Variants in NAV2 observed in about 807,000 individuals in gnomAD.
NAV2 encodes the protein neuron navigator 2.
NAV2 carries 54 observed loss-of-function variants against 223.2 expected under a neutral mutation model. The observed-to-expected ratio is 0.24, with a 90% confidence interval of 0.19 to 0.30. The LOEUF (loss-of-function observed/expected upper bound fraction) is 0.30. Among genes scored for constraint, NAV2 ranks in the 10% least tolerant of loss-of-function variants. The probability of loss-of-function intolerance (pLI) is 1.00; values close to 1 mark genes in which losing one functional copy is unlikely to be tolerated. For missense variants in NAV2, 2,806 were observed against 3,147.5 expected (o/e 0.89, Z 2.60); for synonymous variants, 1,279 against 1,239.3 (o/e 1.03, Z -0.67).
chr11:19,948,743 A>T lies in NAV2; in HGVS notation c.2308A>T (p.Ser770Cys). ...TNVTTEMSGR[S>C]ILSLTGRPTP... Reference sequence around the variant, plus strand: ...TGTCACCACGGAGATGAGTGGCCGTAGCATACTCAGCTTGACAGGGAGGCC... The same window carrying T: ...TGTCACCACGGAGATGAGTGGCCGTTGCATACTCAGCTTGACAGGGAGGCC... Residue 770 changes from serine to cysteine, a missense_variant, in exon 10 of 38, where the codon AGC (serine) becomes TGC (cysteine). Ser to Cys is a moderately radical substitution (Grantham distance 112). This residue lies in a region of NAV2 where 1,167 missense variants were observed against 1,180.5 expected (regional missense o/e 0.99). Coordinates refer to ENST00000349880, the MANE Select transcript of NAV2 (RefSeq NM_145117.5). The T allele has an allele frequency of 6.2e-7, 1 of 1,607,730 alleles. No homozygotes were observed. Among genetic ancestry groups the T allele is most frequent in the Non-Finnish European group, 8.5e-7 (1 of 1,175,144 alleles).
Position 19,702,703 on chromosome 11 carries a change from G to A in NAV2, c.76-129781G>A, listed in dbSNP as rs151327918. On this transcript the variant is annotated intron_variant, in intron 1 of 37. Transcript: ENST00000360655. ...TGAGGCAGGAGAATTGCTTGAGTCC[G>A]GAAGGAGGAGTTTGCAGTGAGCTGA... Among the ~76,000 whole-genome samples, 179 of 151,872 alleles carry A rather than the reference G, an allele frequency of 1.2e-3. 1 individual carries two copies. The highest frequency in any genetic ancestry group is 6.0e-3 in the South Asian group (29 of 4,804).
In NAV2 at chr11:19,686,268, T is replaced by C. The variant is rs150868726; in HGVS notation, c.76-146216T>C. 4.8e-3 allele frequency among the ~76,000 whole-genome samples: 727 copies of C among 152,280 alleles called. 6 individuals carry two copies. The highest frequency in any genetic ancestry group is 0.017 in the African/African-American group (695 of 41,548). Reference sequence around the variant, plus strand: ...TGTGATATGTTCCCTTGCTTTTCCTTTGAGTAACCTGTCTCTCAGAATCAA... The same window carrying C: ...TGTGATATGTTCCCTTGCTTTTCCTCTGAGTAACCTGTCTCTCAGAATCAA... On this transcript the variant is annotated intron_variant, in intron 1 of 37. Transcript: ENST00000360655.
chr11:19,641,288 A>C (rs1239740012), intron 1 of NAV2, among the ~76,000 whole-genome samples: 1 of 152,130 alleles, frequency 6.6e-6, no homozygotes, highest in Non-Finnish European at 1.5e-5. Flanking sequence ...CTTACCCTCT[A>C]TATTCAATCT....
At chr11:19,456,782 C>T (rs1364037682) in intron 1 of NAV2, among the ~76,000 whole-genome samples, 1 of 152,264 alleles carries the variant, frequency 6.6e-6, no homozygotes, top group Non-Finnish European at 1.5e-5. Flanking sequence ...CCCATTCTCG[C>T]TCTCCCTTTG....
chr11:20,116,519 G>A (rs928797238), intron 37 of NAV2, among the ~76,000 whole-genome samples: 1 of 152,134 alleles, frequency 6.6e-6, no homozygotes, highest in Non-Finnish European at 1.5e-5. Flanking sequence ...TTTTTGCAGG[G>A]GCAAACTCAT....
intron 11 of NAV2, among the ~76,000 whole-genome samples, chr11:19,995,966 G>A (rs2051840812): frequency 6.6e-6 from 1 of 152,296 alleles, no homozygotes; most frequent in African/African-American, 2.4e-5. Context: ...CAGGTCATTT[G>A]GAGGGACTCT....
intron 1 of NAV2, among the ~76,000 whole-genome samples, chr11:19,365,228 T>C (rs963002771): frequency 1.3e-5 from 2 of 152,218 alleles, no homozygotes; most frequent in African/African-American, 4.8e-5. Flanking sequence ...TCTCCAACCA[T>C]CTACCCCTAG....
intron 11 of NAV2, among the ~76,000 whole-genome samples, chr11:20,035,299 G>A (rs2056240038): frequency 6.6e-6 from 1 of 152,268 alleles, no homozygotes; most frequent in South Asian, 2.1e-4. Flanking sequence ...CAGGTGGGGA[G>A]ATGGTACAAA....
At chr11:19,399,361 C>A (rs894551984) in intron 1 of NAV2, among the ~76,000 whole-genome samples, 1 of 152,212 alleles carries the variant, frequency 6.6e-6, no homozygotes, top group East Asian at 1.9e-4. Context: ...TCTCCCTGGG[C>A]AGTAATGCAG....
At chr11:19,373,854 G>A (rs1459303084) in intron 1 of NAV2, among the ~76,000 whole-genome samples, 1 of 152,124 alleles carries the variant, frequency 6.6e-6, no homozygotes, top group Non-Finnish European at 1.5e-5. Context: ...ATGACAGGTA[G>A]GTGTCACCTC....
At position 19,458,913 on chromosome 11, in the gene NAV2, G is replaced by A. The variant is rs72899377; in HGVS notation, c.75+107886G>A. 2.7e-3 allele frequency among the ~76,000 whole-genome samples: 412 copies of A among 152,356 alleles called. 2 individuals carry two copies. Among genetic ancestry groups the A allele is most frequent in the Non-Finnish European group, 4.4e-3 (296 of 68,042 alleles). On this transcript the variant is annotated intron_variant, in intron 1 of 37. Coordinates refer to the NAV2 transcript ENST00000360655. Reference sequence around the variant, plus strand: ...CCAATCTGCCACCAACTACCTGTGAGACTGTGCAGGCCACTGTTGCAGAGA... The same window carrying A: ...CCAATCTGCCACCAACTACCTGTGAAACTGTGCAGGCCACTGTTGCAGAGA...
intron 1 of NAV2, among the ~76,000 whole-genome samples, chr11:19,651,359 G>A (rs2047963900): frequency 6.6e-6 from 1 of 152,240 alleles, no homozygotes; most frequent in East Asian, 1.9e-4. Flanking sequence ...GGAGAAGAGA[G>A]GCCTGGGTAC....
At chr11:19,808,748 C>T (rs2058706685) in intron 1 of NAV2, among the ~76,000 whole-genome samples, 1 of 152,262 alleles carries the variant, frequency 6.6e-6, no homozygotes, top group African/African-American at 2.4e-5. Context: ...CTTATGTTTC[C>T]AGTCATATGG....
At chr11:19,507,960 T>C (rs1167611648) in intron 1 of NAV2, among the ~76,000 whole-genome samples, 2 of 152,194 alleles carry the variant, frequency 1.3e-5, no homozygotes, top group Non-Finnish European at 2.9e-5. Context: ...TTAACCCTTA[T>C]ACACAGTGCC....
At chr11:20,036,287 G>A (rs986748910) in intron 12 of NAV2, among the ~76,000 whole-genome samples, 190 bp downstream of exon 12, 39 of 152,200 alleles carry the variant, frequency 2.6e-4, no homozygotes, top group Admixed American at 1.4e-3. Flanking sequence ...GTCAGGCAGC[G>A]GATGGTGGAC....
intron 19 of NAV2, among the ~76,000 whole-genome samples, chr11:20,057,179 C>T (rs748615614): frequency 1.3e-5 from 2 of 152,166 alleles, no homozygotes; most frequent in Non-Finnish European, 2.9e-5. Flanking sequence ...ATCCTCCCAG[C>T]ATGAAAGAAC....
chr11:20,033,995 C>A lies in NAV2; in HGVS notation c.2769-1964C>A, dbSNP rs371445097. On this transcript the variant is annotated intron_variant, in intron 11 of 37. Transcript: ENST00000349880. ...AGACCTGCCACTCCTGGCTGAGCGG[C>A]CTTTAACCAGGCTGCCTGGCCTCCC... 7.9e-5 allele frequency among the ~76,000 whole-genome samples: 12 copies of A among 152,304 alleles called. No individual in the cohort carries two copies. In the South Asian group the frequency reaches 1.0e-3, roughly 13 times the overall value.
At chr11:20,096,346 A>G (rs1224349200) in intron 30 of NAV2, among the ~76,000 whole-genome samples, 1 of 152,240 alleles carries the variant, frequency 6.6e-6, no homozygotes, top group African/African-American at 2.4e-5. Flanking sequence ...AATGAGTACC[A>G]GGGTGAACCT....
chr11:19,659,597 T>C (rs115218075), intron 1 of NAV2, among the ~76,000 whole-genome samples: 2,314 of 152,114 alleles, frequency 0.015, 64 homozygotes, highest in African/African-American at 0.052. Context: ...TAGGGACACA[T>C]TGGAGATACA....
Sources: gnomAD v4.1 joint callset for allele counts (sites outside exome capture counted in the v4.1 genomes callset) on GRCh38, gnomAD v4.1.1 for gene constraint, gnomAD v4.1.1 regional missense constraint, MANE v1.5 for transcripts, NCBI Gene and HGNC (gene_info 2026-07-23, HGNC 2026-07-21) for gene names.